The following FSTL5 variants were observed in gnomAD, a reference collection of about 807,000 sequenced individuals.
The protein encoded by FSTL5 is follistatin-related protein 5.
A neutral mutation model predicts 89.1 loss-of-function variants in FSTL5; 62 were observed. That is an observed-to-expected ratio of 0.70 (90% CI 0.57 to 0.86). FSTL5 has a LOEUF of 0.86. FSTL5 is among the 40% of genes least tolerant of loss of function. The pLI is 0.00. For missense variants in FSTL5, 1,057 were observed against 1,001.6 expected (o/e 1.06, Z -0.75); for synonymous variants, 383 against 346.2 (o/e 1.11, Z -1.18).
chr4:161,500,146 A>G lies in FSTL5; in HGVS notation c.1340-12T>C, dbSNP rs1437563801. 1.4e-6 allele frequency: 2 copies of G among 1,450,450 alleles called. No individual in the cohort carries two copies. The highest frequency in any genetic ancestry group is 3.6e-5 in the Admixed American group (2 of 55,028). 89.8% of individuals were successfully genotyped at this position (1,450,450 alleles called of 1,614,324 possible). A position where few individuals can be genotyped will look rare whatever the true frequency, so the allele number is the denominator to read the frequency against. ...CCCAATTCCCAGACCTTAGGAATAA[A>G]AACACATTTAAATGTTCAAAATATA... On this transcript the variant is annotated splice_polypyrimidine_tract_variant and intron_variant, in intron 11 of 15. Coordinates refer to ENST00000306100, the MANE Select transcript of FSTL5 (RefSeq NM_020116.5).
intron 15 of FSTL5, among the ~76,000 whole-genome samples, chr4:161,396,992 A>T (rs2110893060): frequency 6.6e-6 from 1 of 152,296 alleles, no homozygotes; most frequent in East Asian, 1.9e-4. Context: ...ACCCCAAATC[A>T]AAAGATCAGT....
intron 7 of FSTL5, among the ~76,000 whole-genome samples, chr4:161,620,202 G>A (rs1361246578): frequency 9.1e-6 from 1 of 110,400 alleles, no homozygotes; most frequent in Non-Finnish European, 1.8e-5. Context: ...GGTGGGGGGA[G>A]GGGGGAGGGA....
At chr4:161,812,169 TTCTATAAAATATTAACAG>T (rs1161715046) in intron 4 of FSTL5, among the ~76,000 whole-genome samples, 1 of 152,212 alleles carries the variant, frequency 6.6e-6, no homozygotes, top group African/African-American at 2.4e-5. Context: ...GCAACATTAG[TTCTATAAAATATTAACAG>T]ATGTTTCATT....
chr4:161,635,668 G>C (rs1368044457), intron 7 of FSTL5, among the ~76,000 whole-genome samples: 1 of 152,072 alleles, frequency 6.6e-6, no homozygotes, highest in African/African-American at 2.4e-5. Context: ...ATAGAAATAA[G>C]TAAAAGAGGG....
rs543763373 is a variant in FSTL5, at chr4:161,962,790, T to G, written c.161-42138A>C. Among the ~76,000 whole-genome samples, 5 of 152,150 alleles carry G rather than the reference T, an allele frequency of 3.3e-5. No individual in the cohort carries two copies. The South Asian group carries it at 8.3e-4, about 25-fold the overall frequency. On this transcript the variant is annotated intron_variant, in intron 3 of 15. Coordinates refer to ENST00000306100, the MANE Select transcript of FSTL5 (RefSeq NM_020116.5). Reference sequence around the variant, plus strand: ...CTTTAAGCCACTATATAATTACTAATTGAAGTTTCAGGCATGTTCATAGAA... The same window carrying G: ...CTTTAAGCCACTATATAATTACTAAGTGAAGTTTCAGGCATGTTCATAGAA...
At chr4:161,679,881 C>A (rs901182576) in intron 6 of FSTL5, among the ~76,000 whole-genome samples, 66 of 151,562 alleles carry the variant, frequency 4.4e-4, no homozygotes, top group Non-Finnish European at 1.2e-4. Flanking sequence ...AAGTACAAAA[C>A]AATATTAAAC....
intron 15 of FSTL5, among the ~76,000 whole-genome samples, chr4:161,437,596 G>A (rs931450631): frequency 8.7e-6 from 1 of 114,526 alleles, no homozygotes; most frequent in South Asian, 3.0e-4. Context: ...GGTCAGAAAA[G>A]GTCTTAATCC....
intron 7 of FSTL5, among the ~76,000 whole-genome samples, chr4:161,619,168 A>G (rs1189889279): frequency 2.0e-5 from 3 of 152,220 alleles, no homozygotes; most frequent in African/African-American, 7.2e-5. Context: ...TCCCATCCTT[A>G]CACCTTATAC....
intron 6 of FSTL5, among the ~76,000 whole-genome samples, chr4:161,704,872 C>T (rs924348192): frequency 6.6e-6 from 1 of 152,038 alleles, no homozygotes; most frequent in African/African-American, 2.4e-5. Context: ...GAGGTGCAGT[C>T]CTCTGTGTTT....
intron 15 of FSTL5, among the ~76,000 whole-genome samples, chr4:161,394,598 T>A (rs1475782492): frequency 1.3e-5 from 2 of 152,160 alleles, no homozygotes; most frequent in African/African-American, 4.8e-5. Flanking sequence ...TTAATAACCA[T>A]GTAGTAAAGG....
In FSTL5 at chr4:161,643,483, T is replaced by C. The variant is rs562119335; in HGVS notation, c.894+12845A>G. Among the ~76,000 whole-genome samples, 273 of 150,994 alleles carry C rather than the reference T, an allele frequency of 1.8e-3. 1 individual carries two copies. The highest frequency in any genetic ancestry group is 0.018 in the East Asian group (90 of 5,108). ...TAAATGTAACGGAGTTTTTTTTTTT[T>C]CCCCTTTTCAGTCAGTAAGATTTTG... On this transcript the variant is annotated intron_variant, in intron 7 of 15. Coordinates refer to ENST00000306100, the MANE Select transcript of FSTL5 (RefSeq NM_020116.5).
chr4:161,469,269 G>C (rs1471079771), intron 13 of FSTL5, among the ~76,000 whole-genome samples: 1 of 152,040 alleles, frequency 6.6e-6, no homozygotes, highest in South Asian at 2.1e-4. Flanking sequence ...CCCTTGTAAG[G>C]CTGTATAATA....
chr4:161,774,650 T>C (rs1047578638), intron 5 of FSTL5, among the ~76,000 whole-genome samples: 7 of 148,374 alleles, frequency 4.7e-5, no homozygotes, highest in South Asian at 2.1e-4. Flanking sequence ...AACAAAACAA[T>C]TGATAAAAAT....
chr4:162,155,129 AG>A (rs1476866904), intron 1 of FSTL5, among the ~76,000 whole-genome samples: 1 of 152,194 alleles, frequency 6.6e-6, no homozygotes, highest in Non-Finnish European at 1.5e-5. Context: ...ACCATGGCAA[AG>A]GTAATGTGCT....
intron 3 of FSTL5, among the ~76,000 whole-genome samples, chr4:161,953,755 A>G (rs1001852231): frequency 8.6e-5 from 13 of 151,642 alleles, no homozygotes; most frequent in Non-Finnish European, 1.2e-4. Flanking sequence ...AAATAGCTTC[A>G]GTTTGTGTAT....
intron 15 of FSTL5, among the ~76,000 whole-genome samples, chr4:161,395,928 A>G (rs183561933): frequency 3.2e-4 from 49 of 152,118 alleles, no homozygotes; most frequent in African/African-American, 1.2e-3. Flanking sequence ...ATGGCCTCCA[A>G]TTAATCCTAC....
At chr4:162,024,071 T>C (rs1737192562) in intron 3 of FSTL5, among the ~76,000 whole-genome samples, 2 of 152,154 alleles carry the variant, frequency 1.3e-5, no homozygotes. Flanking sequence ...AAGGAAAGCA[T>C]GCCATTTGGT....
intron 1 of FSTL5, among the ~76,000 whole-genome samples, chr4:162,123,258 G>T (rs866209118): frequency 6.6e-6 from 1 of 152,080 alleles, no homozygotes; most frequent in African/African-American, 2.4e-5. Flanking sequence ...ATTTAAAACT[G>T]AAATGCCACG....
intron 4 of FSTL5, among the ~76,000 whole-genome samples, chr4:161,859,821 G>A (rs1731843259): frequency 6.6e-6 from 1 of 152,146 alleles, no homozygotes; most frequent in Admixed American, 6.6e-5. Flanking sequence ...GAGTGTGTTG[G>A]AAGGAAGTAG....
Sources: gnomAD v4.1 joint callset for allele counts (sites outside exome capture counted in the v4.1 genomes callset) on GRCh38, gnomAD v4.1.1 for gene constraint, MANE v1.5 for transcripts, NCBI Gene and HGNC (gene_info 2026-07-23, HGNC 2026-07-21) for gene names.